The following MTERF3 variants were observed in gnomAD, a reference collection of about 807,000 sequenced individuals.
The protein encoded by MTERF3 is mitochondrial transcription termination factor 3.
In MTERF3, 40 loss-of-function variants were observed where a neutral mutation model predicts 40.5. That is an observed-to-expected ratio of 0.99 (90% confidence interval 0.77 to 1.29). The LOEUF is 1.29. Ranked by LOEUF, MTERF3 falls within the 50% of genes most tolerant of loss-of-function variation. MTERF3 has a pLI of 0.00. For synonymous variants in MTERF3, 158 were observed against 166.6 expected (o/e 0.95, Z 0.40); for missense variants, 452 against 478.2 (o/e 0.95, Z 0.51).
intron 4 of MTERF3, 87 bp from the exon 5 acceptor site, chr8:96,246,541 C>T (rs1554579450): frequency 4.8e-6 from 6 of 1,240,808 alleles, no homozygotes; most frequent in Non-Finnish European, 6.4e-6. Context: ...CCCAAAGTAA[C>T]AGCTGTTTTT....
intron 6 of MTERF3, among the ~76,000 whole-genome samples, chr8:96,245,051 CCAAA>C (rs1194913031): frequency 6.6e-6 from 1 of 152,128 alleles, no homozygotes; most frequent in Non-Finnish European, 1.5e-5. Context: ...AACTAAACAA[CCAAA>C]CACAGGCCGG....
intron 6 of MTERF3, 74 bp from the exon 7 acceptor site, chr8:96,244,154 A>AT (rs1012651979): frequency 0.065 from 66,108 of 1,014,488 alleles, 3 homozygotes; most frequent in Non-Finnish European, 0.069. Context: ...GGCTGCACTG[A>AT]TTTTTTTTTT....
chr8:96,255,960 TGA>T (rs1810272258), intron 3 of MTERF3, among the ~76,000 whole-genome samples: 1 of 152,118 alleles, frequency 6.6e-6, no homozygotes, highest in Admixed American at 6.5e-5. Flanking sequence ...CCTAGAAATC[TGA>T]GAGATTAGAG....
rs1311949862 is a variant in MTERF3, at chr8:96,258,405, G to T, written c.286C>A (p.Gln96Lys). ...AAGCTGGATATATTTTGTGTCTTCT[G>T]TGACTGTTCATTCATGGAAGGAAGC... ...SLLPSMNEQS[Q>K]KTQNISSFDS... The change falls in exon 2 of 8, where the codon CAG becomes AAG. Residue 96 changes from glutamine to lysine, a missense_variant. Physicochemically the swap from Gln to Lys is moderately conservative, Grantham distance 53. Coordinates refer to ENST00000287025, the MANE Select transcript of MTERF3 (RefSeq NM_015942.5). The T allele has an allele frequency of 6.2e-7, 1 of 1,613,970 alleles. No individual in the cohort carries two copies. Among genetic ancestry groups the T allele is most frequent in the Non-Finnish European group, 8.5e-7 (1 of 1,179,962 alleles).
rs1316103523 is a variant in MTERF3, at chr8:96,257,054, T to G, written c.395A>C (p.Gln132Pro). The change falls in exon 3 of 8, where the codon CAG becomes CCG. Residue 132 changes from glutamine (Q) to proline (P), a missense_variant. Coordinates refer to ENST00000287025, the MANE Select transcript of MTERF3 (RefSeq NM_015942.5). ...MQPISEEEAI[Q>P]IIADPPLPPA... ...TGGCAATGGAGGGTCTGCAATAATCTGAATAGCCTCTTCCTCTGAAATTGG... is the reference window on the plus strand; with the variant it reads ...TGGCAATGGAGGGTCTGCAATAATCGGAATAGCCTCTTCCTCTGAAATTGG... 2 of 1,613,958 alleles carry G rather than the reference T, an allele frequency of 1.2e-6. No homozygotes were observed. The highest frequency in any genetic ancestry group is 1.7e-6 in the Non-Finnish European group (2 of 1,179,872).
At chr8:96,253,465 T>C (rs1810222685) in intron 3 of MTERF3, among the ~76,000 whole-genome samples, 1 of 152,100 alleles carries the variant, frequency 6.6e-6, no homozygotes, top group Non-Finnish European at 1.5e-5. Context: ...CCAGCTGGCA[T>C]AGGAGCCCTG....
Position 96,245,933 on chromosome 8 carries a change from T to C in MTERF3, c.826-2A>G, listed in dbSNP as rs1287072683. On this transcript the variant is annotated splice_acceptor_variant, in intron 5 of 7. Transcript: ENST00000287025. LOFTEE classifies it high-confidence loss of function. ...GAGACGAACTACCAGATCTCTAGTC[T>C]GTGGTTGCAAACAAAACAATCTAGT... The C allele has an allele frequency of 5.0e-6, 8 of 1,613,254 alleles. No homozygotes were observed. The highest frequency in any genetic ancestry group is 1.3e-5 in the African/African-American group (1 of 74,896).
intron 7 of MTERF3, among the ~76,000 whole-genome samples, chr8:96,242,060 C>G (rs144800768): frequency 2.3e-3 from 356 of 152,260 alleles, no homozygotes; most frequent in African/African-American, 8.2e-3. Flanking sequence ...ATCTGCCAAC[C>G]AGGAATATTA....
rs1809877622 is a variant in MTERF3 at position 96,239,437 on chromosome 8, T to TA, written c.*53_*54insT. Reference sequence around the variant, plus strand: ...CCCGAGGCATTTAAAAATATATTCATTTATTCATATATATATTCACTTTAC... The same window carrying TA: ...CCCGAGGCATTTAAAAATATATTCATATTATTCATATATATATTCACTTTAC... On this transcript the variant is annotated 3_prime_UTR_variant, in exon 8 of 8. Transcript: ENST00000287025. 1 of 1,308,766 alleles carries TA rather than the reference T, an allele frequency of 7.6e-7. No homozygotes were observed. 81.1% of individuals were successfully genotyped at this position (1,308,766 alleles called of 1,614,324 possible).
At chr8:96,249,693 G>A (rs1810088309) in intron 4 of MTERF3, among the ~76,000 whole-genome samples, 1 of 152,154 alleles carries the variant, frequency 6.6e-6, no homozygotes. Context: ...ACAGTCTGGA[G>A]GGTCATGACT....
At chr8:96,260,928 T>C (rs1171460265) in intron 1 of MTERF3, among the ~76,000 whole-genome samples, 3 of 152,236 alleles carry the variant, frequency 2.0e-5, no homozygotes, top group African/African-American at 7.2e-5. Context: ...TTAACTCACT[T>C]GCTTACACAG....
At chr8:96,243,064 G>C (rs1021267819) in intron 7 of MTERF3, among the ~76,000 whole-genome samples, 1 of 152,180 alleles carries the variant, frequency 6.6e-6, no homozygotes, top group African/African-American at 2.4e-5. Context: ...CCCGTTCCTA[G>C]TGAAGTATAA....
At chr8:96,247,162 G>A (rs1214095638) in intron 4 of MTERF3, among the ~76,000 whole-genome samples, 7 of 151,982 alleles carry the variant, frequency 4.6e-5, no homozygotes, top group Admixed American at 4.6e-4. Flanking sequence ...TAGTAGAGAC[G>A]GGGTTTCACC....
intron 3 of MTERF3, among the ~76,000 whole-genome samples, chr8:96,253,747 T>C (rs1217240113): frequency 2.6e-5 from 4 of 151,874 alleles, no homozygotes; most frequent in African/African-American, 9.7e-5. Context: ...GGCTCATGCC[T>C]GTTATCCCAG....
rs541719106 is a variant in MTERF3 at position 96,239,794 on chromosome 8, C to T, written c.1060-109G>A. The T allele has an allele frequency of 1.1e-4, 81 of 769,532 alleles. No individual in the cohort carries two copies. The African/African-American group carries it at 1.3e-3, about 12-fold the overall frequency. 47.7% of individuals were successfully genotyped at this position (769,532 alleles called of 1,614,324 possible). The stretch of plus-strand genomic sequence containing the variant: ...AGGTTAACCAATACCAAGTACTGAC[C>T]ATGTGTTCAGTAAGTAGGATAAATG... On this transcript the variant is annotated intron_variant, in intron 7 of 7. Transcript: ENST00000287025.
Position 96,239,825 on chromosome 8 carries a change from G to A in MTERF3, c.1060-140C>T, listed in dbSNP as rs765841225. Reference sequence around the variant, plus strand: ...TTCAGTAAGTAGGATAAATGCCAGAGGATTTAAATCCTATATTTTCTGTGA... The same window carrying A: ...TTCAGTAAGTAGGATAAATGCCAGAAGATTTAAATCCTATATTTTCTGTGA... On this transcript the variant is annotated intron_variant, in intron 7 of 7. Coordinates refer to ENST00000287025, the MANE Select transcript of MTERF3 (RefSeq NM_015942.5). The A allele has an allele frequency of 9.5e-5, 68 of 712,310 alleles. No homozygotes were observed. The African/African-American group carries it at 1.2e-3, about 12-fold the overall frequency. 44.1% of individuals were successfully genotyped at this position (712,310 alleles called of 1,614,324 possible).
intron 4 of MTERF3, among the ~76,000 whole-genome samples, chr8:96,247,289 A>G (rs1487213112): frequency 6.6e-6 from 1 of 152,122 alleles, no homozygotes; most frequent in African/African-American, 2.4e-5. Context: ...TATTTTTATA[A>G]ATGATTTTTA....
intron 3 of MTERF3, 43 bp from the exon 4 acceptor site, chr8:96,251,138 T>C (rs757546618): frequency 8.1e-6 from 12 of 1,483,772 alleles, no homozygotes; most frequent in Non-Finnish European, 1.1e-5. Context: ...ACTTCTTAGT[T>C]CACCCATTAA....
intron 6 of MTERF3, among the ~76,000 whole-genome samples, chr8:96,245,231 A>C (rs563836025): frequency 2.0e-5 from 3 of 152,306 alleles, no homozygotes; most frequent in East Asian, 3.9e-4. Flanking sequence ...TCAATGACTG[A>C]ACTGTTCACC....
Sources: allele counts gnomAD v4.1 joint callset (sites outside exome capture counted in the v4.1 genomes callset), GRCh38; gene constraint gnomAD v4.1.1; transcripts MANE v1.5; gene names NCBI Gene and HGNC (gene_info 2026-07-23, HGNC 2026-07-21).